LRRC7: variants seen among roughly 807,000 people sequenced by gnomAD.
LRRC7 encodes leucine-rich repeat-containing protein 7.
In LRRC7, 23 loss-of-function variants were observed where a neutral mutation model predicts 175.7. The observed-to-expected ratio is 0.13, with a 90% confidence interval of 0.09 to 0.19. The LOEUF is 0.19. Ranked by LOEUF, LRRC7 falls within the 10% of genes least tolerant of loss-of-function variation. LRRC7 has a pLI of 1.00. For synonymous variants in LRRC7, 685 were observed against 680.9 expected, an observed-to-expected ratio of 1.01 and a Z score of -0.09; for missense variants, 1,354 against 1,904.7, an observed-to-expected ratio of 0.71 and a Z score of 5.38.
chr1:69,889,597 A>G (rs1209728773), intron 7 of LRRC7, among the ~76,000 whole-genome samples: 1 of 152,180 alleles, frequency 6.6e-6, no homozygotes, highest in Non-Finnish European at 1.5e-5. Context: ...ACTTCAGCCC[A>G]GAAGTTCGCT....
chr1:69,581,591 C>T (rs961470775), intron 1 of LRRC7, among the ~76,000 whole-genome samples: 11 of 152,076 alleles, frequency 7.2e-5, no homozygotes, highest in East Asian at 1.9e-4. Flanking sequence ...AACTGAATAA[C>T]GCTGACATAT....
In LRRC7 at chr1:70,038,165, C is replaced by A. The variant is rs745328044; in HGVS notation, c.2341C>A (p.Arg781=). 5 of 1,613,650 alleles carry A rather than the reference C, an allele frequency of 3.1e-6. No individual in the cohort carries two copies. The South Asian group carries it at 5.5e-5, about 18-fold the overall frequency. The change falls in exon 21 of 27, where the codon CGG becomes AGG. Residue 781 remains arginine (R), a synonymous_variant. Transcript: ENST00000651989. ...PLDSKPLLSQ[R]EAVPPGNIPQ... is the part of the protein sequence containing the mutation. Reference sequence around the variant, plus strand: ...TGATTCAAAGCCATTACTCAGCCAGCGGGAGGCTGTTCCCCCAGGCAATAT... The same window carrying A: ...TGATTCAAAGCCATTACTCAGCCAGAGGGAGGCTGTTCCCCCAGGCAATAT...
intron 7 of LRRC7, among the ~76,000 whole-genome samples, chr1:69,855,753 G>A (rs1277422774): frequency 2.6e-5 from 4 of 152,064 alleles, no homozygotes; most frequent in Non-Finnish European, 5.9e-5. Context: ...ATTATTGTGT[G>A]GGAGTCTAAG....
rs974736864 is a variant in LRRC7, at chr1:70,143,794, TAATA to T, written c.*21908_*21911del. 6.6e-6 allele frequency: 1 copy of T among 152,190 alleles called. No homozygotes were observed. Among genetic ancestry groups the T allele is most frequent in the African/African-American group, 2.4e-5 (1 of 41,448 alleles). The allele number at this position is 152,190 out of a possible 1,614,324, so 9.4% of individuals were successfully genotyped here. A position where few individuals can be genotyped will look rare whatever the true frequency, so the allele number is the denominator to read the frequency against. Reference sequence around the variant, plus strand: ...TTAACTGAAATGGCTGTATTGTAATTAATATTTTGAGATAATTGTGATTTTGAGC... The same window carrying T: ...TTAACTGAAATGGCTGTATTGTAATTTTTTGAGATAATTGTGATTTTGAGC... On this transcript the variant is annotated 3_prime_UTR_variant, in exon 27 of 27. Coordinates refer to ENST00000651989, the MANE Select transcript of LRRC7 (RefSeq NM_001370785.2).
chr1:69,874,182 T>A (rs566493482), intron 7 of LRRC7: 1 of 152,310 alleles, frequency 6.6e-6, no homozygotes, highest in South Asian at 2.1e-4. Context: ...AAAATACATT[T>A]GTTAATTAAC....
chr1:69,627,219 A>G (rs1340610667), intron 1 of LRRC7, among the ~76,000 whole-genome samples: 1 of 152,100 alleles, frequency 6.6e-6, no homozygotes, highest in African/African-American at 2.4e-5. Context: ...ATTTCTCCAC[A>G]TCCTCTCCAG....
intron 8 of LRRC7, among the ~76,000 whole-genome samples, chr1:69,952,997 C>CAAA (rs61277479): frequency 1.4e-4 from 8 of 56,934 alleles, no homozygotes; most frequent in African/African-American, 2.5e-4. Context: ...AGAGACAAGG[C>CAAA]AAAAAAAAAA....
chr1:69,726,345 AT>A (rs1447208620), intron 2 of LRRC7, among the ~76,000 whole-genome samples: 1 of 152,232 alleles, frequency 6.6e-6, no homozygotes, highest in Non-Finnish European at 1.5e-5. Context: ...TATCACCATA[AT>A]AAACCTCTAT....
intron 7 of LRRC7, among the ~76,000 whole-genome samples, chr1:69,875,583 G>T (rs113702126): frequency 1.3e-3 from 202 of 152,048 alleles, no homozygotes; most frequent in African/African-American, 4.7e-3. Flanking sequence ...ATAAGTGATT[G>T]TAAATTCATT....
At chr1:69,678,737 G>T (rs536698857) in intron 2 of LRRC7, among the ~76,000 whole-genome samples, 1 of 152,204 alleles carries the variant, frequency 6.6e-6, no homozygotes, top group South Asian at 2.1e-4. Flanking sequence ...ATGGGAAAAG[G>T]CTGTACAGTC....
At chr1:70,065,460 G>A (rs1661898694) in intron 23 of LRRC7, among the ~76,000 whole-genome samples, 1 of 151,804 alleles carries the variant, frequency 6.6e-6, no homozygotes, top group African/African-American at 2.4e-5. Flanking sequence ...TTTAATTAAT[G>A]GTAGCTATCA....
intron 4 of LRRC7, among the ~76,000 whole-genome samples, chr1:69,809,052 G>A (rs1677486178): frequency 6.6e-6 from 1 of 152,062 alleles, no homozygotes; most frequent in Non-Finnish European, 1.5e-5. Flanking sequence ...AAGAAAGAGA[G>A]AAGAATCAAA....
intron 7 of LRRC7, chr1:69,874,270 T>C (rs1461101284): frequency 6.6e-6 from 1 of 152,200 alleles, no homozygotes; most frequent in African/African-American, 2.4e-5. Flanking sequence ...AATGATACTT[T>C]TGCTAAATAA....
chr1:69,990,370 A>T (rs1654322731), intron 10 of LRRC7, among the ~76,000 whole-genome samples: 1 of 152,120 alleles, frequency 6.6e-6, no homozygotes, highest in African/African-American at 2.4e-5. Context: ...ATTACTCTAG[A>T]GAAAAGAGTC....
At chr1:69,587,648 TA>T (rs1443084780) in intron 1 of LRRC7, among the ~76,000 whole-genome samples, 1 of 152,118 alleles carries the variant, frequency 6.6e-6, no homozygotes, top group East Asian at 1.9e-4. Context: ...TGATGGAAGG[TA>T]ATTGGATCGT....
At chr1:69,735,605 G>A (rs1032733520) in intron 2 of LRRC7, among the ~76,000 whole-genome samples, 2 of 152,012 alleles carry the variant, frequency 1.3e-5, no homozygotes, top group Non-Finnish European at 2.9e-5. Flanking sequence ...AGTAAATAAC[G>A]TGTGGGGTTT....
In LRRC7 at chr1:69,613,262, T is replaced by C. The variant is rs943222740; in HGVS notation, c.2+44621T>C. Among the ~76,000 whole-genome samples the C allele has an allele frequency of 2.6e-5, 4 of 152,056 alleles. No individual in the cohort carries two copies. In the East Asian group the frequency reaches 7.7e-4, roughly 29 times the overall value. On this transcript the variant is annotated intron_variant, in intron 1 of 26. Coordinates refer to ENST00000651989, the MANE Select transcript of LRRC7 (RefSeq NM_001370785.2). ...CGTCTTCTCATTTTATCTTATTTAA[T>C]CTGGCAGAGATCAGAGAAAGAACCA...
At chr1:70,120,503 T>G (rs900934568) in intron 26 of LRRC7, among the ~76,000 whole-genome samples, 2 of 152,204 alleles carry the variant, frequency 1.3e-5, no homozygotes, top group African/African-American at 4.8e-5. Flanking sequence ...TCATATAACT[T>G]TCATCTAAGT....
At chr1:69,904,263 A>C (rs1570582014) in intron 7 of LRRC7, among the ~76,000 whole-genome samples, 1 of 152,192 alleles carries the variant, frequency 6.6e-6, no homozygotes, top group East Asian at 1.9e-4. Flanking sequence ...ACAGAAAAAG[A>C]ATTTTTGAGT....
Sources: gnomAD v4.1 joint callset for allele counts (sites outside exome capture counted in the v4.1 genomes callset) on GRCh38, gnomAD v4.1.1 for gene constraint, MANE v1.5 for transcripts, NCBI Gene and HGNC (gene_info 2026-07-23, HGNC 2026-07-21) for gene names.